TMPRSS5: variants seen among roughly 807,000 people sequenced by gnomAD.
TMPRSS5 encodes the protein transmembrane protease serine 5.
TMPRSS5 carries 45 observed loss-of-function variants against 59.7 expected under a neutral mutation model. The ratio of observed to expected loss-of-function variants is 0.75; its 90% CI spans 0.59 to 0.97. TMPRSS5 has a LOEUF of 0.97. Among genes scored for constraint, TMPRSS5 ranks in the 50% least tolerant of loss-of-function variants. TMPRSS5 has a pLI of 0.00. For missense variants in TMPRSS5, 585 were observed against 596.7 expected (o/e 0.98, Z 0.20); for synonymous variants, 225 against 232.0 (o/e 0.97, Z 0.27).
At chr11:113,706,159 G>A (rs1770337537) in intron 1 of TMPRSS5, 63 bp downstream of exon 1, 6 of 1,563,384 alleles carry the variant, frequency 3.8e-6, no homozygotes, top group Non-Finnish European at 5.2e-6. Context: ...CAAGGGCAGA[G>A]GAGGGAGAGA....
chr11:113,703,727 A>C (rs142871193), intron 1 of TMPRSS5, among the ~76,000 whole-genome samples: 17 of 152,334 alleles, frequency 1.1e-4, no homozygotes, highest in African/African-American at 4.1e-4. Flanking sequence ...GTGAGTTCTC[A>C]CAAGATCTGA....
At chr11:113,691,500 A>C (rs1403306086) in intron 9 of TMPRSS5, among the ~76,000 whole-genome samples, 2 of 152,176 alleles carry the variant, frequency 1.3e-5, no homozygotes, top group Non-Finnish European at 2.9e-5. Context: ...CAGCACGCCC[A>C]GGTGCAGCAA....
chr11:113,696,653 A>G (rs927336297), intron 6 of TMPRSS5, among the ~76,000 whole-genome samples: 1 of 152,222 alleles, frequency 6.6e-6, no homozygotes, highest in African/African-American at 2.4e-5. Context: ...TTTCTTGTGA[A>G]GGGCAAATAG....
chr11:113,695,345 G>A, intron 7 of TMPRSS5, 55 bp downstream of exon 7: 1 of 1,595,994 alleles, frequency 6.3e-7, no homozygotes, highest in Non-Finnish European at 8.6e-7. Context: ...ACTTGAGGCA[G>A]GGGGAACACC....
chr11:113,699,531 C>G, intron 3 of TMPRSS5, 64 bp downstream of exon 3: 1 of 1,377,444 alleles, frequency 7.3e-7, no homozygotes, highest in Non-Finnish European at 1.0e-6. Flanking sequence ...CCTTTAACAC[C>G]TGCTCAGCAC....
chr11:113,697,324 G>A lies in TMPRSS5; in HGVS notation c.423C>T (p.Pro141=), dbSNP rs560935689. ...WLLVCHEGWS[P]ALGLQICWSL... ...TCCAGCAGATCTGCAGCCCCAGGGC[G>A]GGGCTCCAGCCCTCATGGCAGACCA... Residue 141 remains proline, a synonymous_variant, in exon 5 of 13, where the codon CCC becomes CCT. Coordinates refer to ENST00000299882, the MANE Select transcript of TMPRSS5 (RefSeq NM_030770.4). 5.1e-5 allele frequency: 83 copies of A among 1,613,426 alleles called. No homozygotes were observed. Among genetic ancestry groups the A allele is most frequent in the African/African-American group, 4.5e-4 (34 of 74,926 alleles).
chr11:113,699,205 CTGTCTG>C lies in TMPRSS5; in HGVS notation c.206-184_206-179del, dbSNP rs72103801. Among the ~76,000 whole-genome samples, 19,565 of 69,346 alleles carry C rather than the reference CTGTCTG, an allele frequency of 0.28. 2,355 individuals are homozygous for C. Among genetic ancestry groups the C allele is most frequent in the Middle Eastern group, 0.39 (56 of 142 alleles). The allele number at this position is 69,346 out of a possible 152,430, so 45.5% of individuals were successfully genotyped here. On this transcript the variant is annotated intron_variant, in intron 3 of 12. Transcript: ENST00000299882. ...CTCTGCCTCTTTGACTCTCCTTTGTCTGTCTGTCTCTCTCTCTCTCTCTCTCTCTCT... is the reference window on the plus strand; with the variant it reads ...CTCTGCCTCTTTGACTCTCCTTTGTCTCTCTCTCTCTCTCTCTCTCTCTCT...
intron 5 of TMPRSS5, 67 bp from the exon 6 acceptor site, chr11:113,697,038 G>A: frequency 7.8e-7 from 1 of 1,275,768 alleles, no homozygotes; most frequent in African/African-American, 1.5e-5. Context: ...TATAATACTA[G>A]TATAGTGACC....
chr11:113,689,335 A>G (rs1024763740), intron 12 of TMPRSS5, among the ~76,000 whole-genome samples: 2 of 152,156 alleles, frequency 1.3e-5, no homozygotes, highest in South Asian at 4.1e-4. Flanking sequence ...CTGCCTGGGC[A>G]ACAAGAGCAA....
At chr11:113,699,262 T>TCTCCCC in intron 3 of TMPRSS5, among the ~76,000 whole-genome samples, 1 of 93,258 alleles carries the variant, frequency 1.1e-5, no homozygotes, top group South Asian at 3.6e-4. Context: ...TCTCTCTCTC[T>TCTCCCC]CTCTCTCTCC....
rs115825770 is a variant in TMPRSS5, at chr11:113,689,755, C to T, written c.1359+10G>A. 3.8e-3 allele frequency: 6,031 copies of T among 1,608,134 alleles called. 215 individuals carry two copies. In the African/African-American group the frequency reaches 0.072, roughly 19 times the overall value. On this transcript the variant is annotated intron_variant, in intron 12 of 12. Transcript: ENST00000299882. ...AAATCTCCCTGCCCTACTCCTGCCC[C>T]CACACTCACCTGAGCAGTGTCATGG...
intron 6 of TMPRSS5, 138 bp downstream of exon 6, chr11:113,696,720 T>C (rs1396222750): frequency 9.6e-6 from 6 of 626,094 alleles, no homozygotes; most frequent in African/African-American, 1.8e-5. Flanking sequence ...AATTTCTAAC[T>C]AGGAAATGTT....
At chr11:113,704,502 C>G (rs1258524289) in intron 1 of TMPRSS5, among the ~76,000 whole-genome samples, 1 of 152,156 alleles carries the variant, frequency 6.6e-6, no homozygotes, top group Non-Finnish European at 1.5e-5. Flanking sequence ...CTCACAAAGT[C>G]CTCCATGATC....
chr11:113,691,065 G>A, intron 9 of TMPRSS5, 126 bp from the exon 10 acceptor site: 1 of 848,338 alleles, frequency 1.2e-6, no homozygotes, highest in South Asian at 1.8e-5. Flanking sequence ...TGGCTCCTGG[G>A]TTCCACCAGC....
chr11:113,695,101 G>T (rs1356249765), intron 7 of TMPRSS5, among the ~76,000 whole-genome samples: 1 of 152,166 alleles, frequency 6.6e-6, no homozygotes. Context: ...CACCTCTGGG[G>T]CTTTCCAGAA....
intron 11 of TMPRSS5, 108 bp downstream of exon 11, chr11:113,690,123 C>T: frequency 7.0e-7 from 1 of 1,432,300 alleles, no homozygotes; most frequent in South Asian, 1.3e-5. Flanking sequence ...GGCTGTCTCA[C>T]ACCACTGACA....
intron 10 of TMPRSS5, 27 bp downstream of exon 10, chr11:113,690,814 C>T (rs1191626839): frequency 1.9e-6 from 3 of 1,546,804 alleles, no homozygotes; most frequent in Non-Finnish European, 2.6e-6. Flanking sequence ...CCCGCCCCTG[C>T]ACCGAGGGCC....
At chr11:113,695,520 G>A (rs1025550992) in intron 6 of TMPRSS5, 77 bp from the exon 7 acceptor site, 3 of 1,467,876 alleles carry the variant, frequency 2.0e-6, no homozygotes, top group Non-Finnish European at 1.9e-6. Flanking sequence ...CGTGAAGAAT[G>A]GGGGAGGCTG....
Position 113,691,621 on chromosome 11 carries a change from G to T in TMPRSS5, c.965-682C>A, listed in dbSNP as rs117928896. On this transcript the variant is annotated intron_variant, in intron 9 of 12. Transcript: ENST00000299882. ...TAAGTAACATAGGTTCTCTAGTTAG[G>T]TAAGTAATATAGGTTCTCTAACTAG... Among the ~76,000 whole-genome samples, 1,379 of 152,024 alleles carry T rather than the reference G, an allele frequency of 9.1e-3. 16 individuals carry two copies. Among genetic ancestry groups the T allele is most frequent in the Non-Finnish European group, 0.015 (1,047 of 67,960 alleles).
Sources: allele counts gnomAD v4.1 joint callset (sites outside exome capture counted in the v4.1 genomes callset), GRCh38; gene constraint gnomAD v4.1.1; transcripts MANE v1.5; gene names NCBI Gene and HGNC (gene_info 2026-07-23, HGNC 2026-07-21).